Variants in HDAC9 observed in about 807,000 individuals in gnomAD.
HDAC9 encodes MEF-2 interacting transcription repressor (MITR) protein.
Under a neutral mutation model 139.4 loss-of-function variants are expected in HDAC9, and 41 were observed. The observed-to-expected ratio is 0.29, with a 90% confidence interval of 0.23 to 0.38. The LOEUF (loss-of-function observed/expected upper bound fraction) is 0.38. Ranked by LOEUF, HDAC9 falls within the 10% of genes least tolerant of loss-of-function variation. The pLI is 1.00. For missense variants in HDAC9, 1,147 were observed against 1,297.0 expected, an observed-to-expected ratio of 0.88 and a Z score of 1.78; for synonymous variants, 517 against 476.2, an observed-to-expected ratio of 1.09 and a Z score of -1.12.
chr7:18,952,766 T>C (rs1014772486), intron 23 of HDAC9, among the ~76,000 whole-genome samples: 43 of 151,842 alleles, frequency 2.8e-4, no homozygotes, highest in African/African-American at 1.0e-3. Context: ...TTTAACAAGT[T>C]TTAAGAGTTT....
chr7:18,310,809 T>C (rs1436566100), intron 1 of HDAC9, among the ~76,000 whole-genome samples: 1 of 143,132 alleles, frequency 7.0e-6, no homozygotes, highest in Admixed American at 7.1e-5. Context: ...ACAAATCCAT[T>C]ACACACACAC....
chr7:18,412,611 C>T (rs376262560), intron 1 of HDAC9, among the ~76,000 whole-genome samples: 3 of 152,132 alleles, frequency 2.0e-5, no homozygotes, highest in East Asian at 1.9e-4. Context: ...ACTTGCTGGC[C>T]GTTGCATCAC....
At chr7:18,310,259 A>G (rs1231552761) in intron 1 of HDAC9, among the ~76,000 whole-genome samples, 1 of 152,180 alleles carries the variant, frequency 6.6e-6, no homozygotes, top group Admixed American at 6.6e-5. Flanking sequence ...TTTACGTATC[A>G]CAGAGTTTTA....
chr7:18,706,073 T>C (rs571131725), intron 12 of HDAC9, among the ~76,000 whole-genome samples: 2 of 150,866 alleles, frequency 1.3e-5, no homozygotes, highest in African/African-American at 4.9e-5. Flanking sequence ...CCCACATGAA[T>C]AGAAAATGTC....
chr7:18,572,301 T>A (rs932357888), intron 2 of HDAC9, among the ~76,000 whole-genome samples: 2 of 151,550 alleles, frequency 1.3e-5, no homozygotes, highest in African/African-American at 4.8e-5. Context: ...TTGACTATTT[T>A]GTCATATTCA....
At chr7:18,378,864 G>A (rs1038661075) in intron 1 of HDAC9, among the ~76,000 whole-genome samples, 1 of 152,030 alleles carries the variant, frequency 6.6e-6, no homozygotes, top group Non-Finnish European at 1.5e-5. Context: ...CATCTGTATT[G>A]TTTTTAGTAG....
intron 1 of HDAC9, among the ~76,000 whole-genome samples, chr7:18,398,565 A>G (rs1787262062): frequency 6.6e-6 from 1 of 151,938 alleles, no homozygotes; most frequent in Non-Finnish European, 1.5e-5. Context: ...AGTTCCTTAG[A>G]TTGGACAAGT....
At chr7:18,207,559 A>ATTTTTTTTTTTTTTTTTTTTTTTT (rs1584636090) in intron 2 of HDAC9, among the ~76,000 whole-genome samples, 55 of 37,358 alleles carry the variant, frequency 1.5e-3, no homozygotes, top group Non-Finnish European at 1.6e-3. Context: ...TTTTTTTTTG[A>ATTTTTTTTTTTTTTTTTTTTTTTT]TTTGAGCTTT....
intron 1 of HDAC9, among the ~76,000 whole-genome samples, chr7:18,387,693 C>T (rs1055338541): frequency 1.3e-5 from 2 of 152,094 alleles, no homozygotes; most frequent in African/African-American, 4.8e-5. Flanking sequence ...TTTTAAAAAC[C>T]TTTTATTTCA....
intron 2 of HDAC9, among the ~76,000 whole-genome samples, chr7:18,510,585 A>G (rs1189340571): frequency 1.3e-5 from 2 of 152,202 alleles, no homozygotes; most frequent in East Asian, 1.9e-4. Context: ...ATTGCTATCT[A>G]GCTCATCTAC....
chr7:18,114,234 C>T (rs571882030), intron 1 of HDAC9, among the ~76,000 whole-genome samples: 7 of 152,308 alleles, frequency 4.6e-5, no homozygotes, highest in Admixed American at 1.3e-4. Flanking sequence ...ATGTGTGTGT[C>T]TGGTTTAATC....
chr7:18,549,854 G>A (rs955430537), intron 2 of HDAC9, among the ~76,000 whole-genome samples: 3 of 151,644 alleles, frequency 2.0e-5, no homozygotes, highest in East Asian at 1.9e-4. Context: ...GGGAATGTAG[G>A]CATTTCATTT....
At chr7:18,980,492 A>G (rs922889896) in intron 25 of HDAC9, among the ~76,000 whole-genome samples, 5 of 152,170 alleles carry the variant, frequency 3.3e-5, no homozygotes, top group African/African-American at 1.2e-4. Context: ...CTCATCTTTA[A>G]AATGAGAGAA....
chr7:18,826,624 A>T (rs1795457947), intron 17 of HDAC9, among the ~76,000 whole-genome samples: 1 of 151,752 alleles, frequency 6.6e-6, no homozygotes, highest in South Asian at 2.1e-4. Context: ...GCTGTAAGTG[A>T]AAGGAGGAAG....
intron 22 of HDAC9, among the ~76,000 whole-genome samples, chr7:18,876,608 C>G (rs984352203): frequency 1.3e-5 from 2 of 151,836 alleles, no homozygotes; most frequent in African/African-American, 4.8e-5. Context: ...AATCAAAGTT[C>G]TTATCCTGAA....
chr7:18,092,208 C>T (rs191453227), intron 1 of HDAC9, among the ~76,000 whole-genome samples: 74 of 151,916 alleles, frequency 4.9e-4, no homozygotes, highest in South Asian at 8.4e-4. Flanking sequence ...CAACATGGCG[C>T]GACCCTGTTG....
intron 2 of HDAC9, among the ~76,000 whole-genome samples, chr7:18,552,740 C>T (rs1817553296): frequency 6.6e-6 from 1 of 152,158 alleles, no homozygotes; most frequent in Admixed American, 6.5e-5. Context: ...TATTTACCAA[C>T]ACAGATATTT....
intron 21 of HDAC9, among the ~76,000 whole-genome samples, chr7:18,856,985 ATTC>A (rs1463579667): frequency 2.6e-5 from 4 of 152,078 alleles, no homozygotes; most frequent in African/African-American, 9.7e-5. Context: ...CTGTTCATAT[ATTC>A]TTCTCCTACC....
intron 15 of HDAC9, among the ~76,000 whole-genome samples, chr7:18,764,139 C>G (rs1437297184): frequency 6.6e-6 from 1 of 151,812 alleles, no homozygotes; most frequent in Middle Eastern, 3.2e-3. Flanking sequence ...AAATGAAATT[C>G]CATTTATAAT....
Sources: allele counts gnomAD v4.1 joint callset (sites outside exome capture counted in the v4.1 genomes callset), GRCh38; gene constraint gnomAD v4.1.1; transcripts MANE v1.5; gene names NCBI Gene and HGNC (gene_info 2026-07-23, HGNC 2026-07-21).